PTPRD: variants seen among roughly 807,000 people sequenced by gnomAD.
PTPRD encodes the protein receptor-type tyrosine-protein phosphatase delta.
Under a neutral mutation model 214.5 loss-of-function variants are expected in PTPRD, and 34 were observed. The observed-to-expected ratio is 0.16, with a 90% CI of 0.12 to 0.21. PTPRD has a LOEUF of 0.21. Among genes scored for constraint, PTPRD ranks in the 10% least tolerant of loss-of-function variants. PTPRD has a pLI of 1.00. For synonymous variants in PTPRD, 1,128 were observed against 845.7 expected, an observed-to-expected ratio of 1.33 and a Z score of -5.79; for missense variants, 2,545 against 2,398.7, an observed-to-expected ratio of 1.06 and a Z score of -1.27.
rs554741866 is a variant in PTPRD, at chr9:9,058,574, C to T, written c.-142-39839G>A. ...ACGCCATTCTCCTGCCTCAGCCTCCCGAGTAGCTGGGACTACAGGCTCCCG... is the reference window on the plus strand; with the variant it reads ...ACGCCATTCTCCTGCCTCAGCCTCCTGAGTAGCTGGGACTACAGGCTCCCG... On this transcript the variant is annotated intron_variant, in intron 10 of 45. Transcript: ENST00000381196. Among the ~76,000 whole-genome samples, 4 of 149,280 alleles carry T rather than the reference C, an allele frequency of 2.7e-5. No homozygotes were observed. In the Admixed American group the frequency reaches 2.7e-4, roughly 10 times the overall value.
chr9:10,471,327 C>T (rs1462362147), intron 2 of PTPRD, among the ~76,000 whole-genome samples: 1 of 152,018 alleles, frequency 6.6e-6, no homozygotes, highest in African/African-American at 2.4e-5. Context: ...TATAAAATGT[C>T]AATCTCTACT....
intron 3 of PTPRD, among the ~76,000 whole-genome samples, chr9:10,245,488 A>G (rs546245649): frequency 5.2e-4 from 79 of 152,332 alleles, no homozygotes; most frequent in African/African-American, 1.9e-3. Flanking sequence ...CTGATGGCCT[A>G]CTATGTACAA....
chr9:10,317,212 T>C (rs603924), intron 3 of PTPRD, among the ~76,000 whole-genome samples: 39,116 of 151,760 alleles, frequency 0.26, 5,343 homozygotes, highest in South Asian at 0.36. Context: ...AAAAATATAA[T>C]TGGGGGCTAG....
At chr9:8,683,620 G>T (rs2097598395) in intron 12 of PTPRD, among the ~76,000 whole-genome samples, 1 of 152,150 alleles carries the variant, frequency 6.6e-6, no homozygotes. Context: ...ATTTTCCAAA[G>T]ATGCACATAT....
chr9:9,482,410 G>T (rs2147157539), intron 8 of PTPRD, among the ~76,000 whole-genome samples: 1 of 152,208 alleles, frequency 6.6e-6, no homozygotes, highest in East Asian at 1.9e-4. Context: ...GCAGTTTTAG[G>T]TTCACAGCAA....
chr9:8,606,183 G>T (rs2095200118), intron 14 of PTPRD, among the ~76,000 whole-genome samples: 2 of 151,970 alleles, frequency 1.3e-5, no homozygotes, highest in Non-Finnish European at 2.9e-5. Context: ...AGGTTCCAAG[G>T]GAAGGAAAAG....
intron 7 of PTPRD, among the ~76,000 whole-genome samples, chr9:9,630,218 T>A (rs1230013841): frequency 6.6e-6 from 1 of 152,206 alleles, no homozygotes; most frequent in Non-Finnish European, 1.5e-5. Context: ...CTCTTCTTAA[T>A]GGGGATAGGT....
intron 10 of PTPRD, among the ~76,000 whole-genome samples, chr9:9,129,320 G>A (rs2099839015): frequency 6.6e-6 from 1 of 152,160 alleles, no homozygotes. Flanking sequence ...AACCCAGGAG[G>A]CAGAGGTTGC....
chr9:8,687,651 T>G (rs117999466), intron 12 of PTPRD, among the ~76,000 whole-genome samples: 1 of 152,110 alleles, frequency 6.6e-6, no homozygotes, highest in Non-Finnish European at 1.5e-5. Context: ...GGGTACAATA[T>G]TGCTATCCAA....
chr9:10,534,251 G>A (rs867096206), intron 2 of PTPRD, among the ~76,000 whole-genome samples: 10 of 151,766 alleles, frequency 6.6e-5, no homozygotes, highest in Middle Eastern at 3.5e-3. Context: ...ATTACTCTAT[G>A]GGACCATCTT....
At chr9:8,724,803 C>T (rs1390175204) in intron 12 of PTPRD, among the ~76,000 whole-genome samples, 1 of 151,786 alleles carries the variant, frequency 6.6e-6, no homozygotes, top group Non-Finnish European at 1.5e-5. Flanking sequence ...CCGGACGTGA[C>T]GGCACGTGCC....
chr9:8,618,067 G>A (rs1346817318), intron 14 of PTPRD, among the ~76,000 whole-genome samples: 1 of 152,078 alleles, frequency 6.6e-6, no homozygotes, highest in Non-Finnish European at 1.5e-5. Context: ...GTAGAACTGT[G>A]AGGATCTTCT....
intron 9 of PTPRD, among the ~76,000 whole-genome samples, chr9:9,267,260 C>G (rs951248595): frequency 6.6e-6 from 1 of 151,062 alleles, no homozygotes; most frequent in Non-Finnish European, 1.5e-5. Flanking sequence ...TACAAAGATT[C>G]ACAAGGAACT....
intron 2 of PTPRD, among the ~76,000 whole-genome samples, chr9:10,509,043 C>T (rs887674409): frequency 6.6e-6 from 1 of 151,916 alleles, no homozygotes; most frequent in Non-Finnish European, 1.5e-5. Flanking sequence ...AAGGAAATAC[C>T]TGCTATGATT....
At chr9:8,584,404 T>C (rs1453283324) in intron 14 of PTPRD, among the ~76,000 whole-genome samples, 3 of 151,728 alleles carry the variant, frequency 2.0e-5, no homozygotes, top group African/African-American at 4.8e-5. Flanking sequence ...AGATTGCCAA[T>C]ATGTGTGTGT....
intron 9 of PTPRD, among the ~76,000 whole-genome samples, chr9:9,323,906 T>C (rs1183667349): frequency 6.6e-6 from 1 of 152,206 alleles, no homozygotes; most frequent in African/African-American, 2.4e-5. Flanking sequence ...GTTCTCATTG[T>C]TCAATGCCCA....
chr9:8,481,144 A>AC (rs1441328617), intron 30 of PTPRD, among the ~76,000 whole-genome samples: 1 of 149,726 alleles, frequency 6.7e-6, no homozygotes, highest in Non-Finnish European at 1.5e-5. Flanking sequence ...CGTCTCAAAA[A>AC]AAAAAAAAAA....
chr9:9,513,105 T>C (rs2096748529), intron 8 of PTPRD, among the ~76,000 whole-genome samples: 1 of 151,916 alleles, frequency 6.6e-6, no homozygotes. Context: ...TCTAACCCAC[T>C]AAAATAACAA....
intron 7 of PTPRD, among the ~76,000 whole-genome samples, chr9:9,575,066 C>T (rs2087987806): frequency 6.6e-6 from 1 of 151,530 alleles, no homozygotes; most frequent in South Asian, 2.1e-4. Context: ...TGATGGATAA[C>T]ATTTGCAAGC....
Sources: gnomAD v4.1 joint callset for allele counts (sites outside exome capture counted in the v4.1 genomes callset) on GRCh38, gnomAD v4.1.1 for gene constraint, MANE v1.5 for transcripts, NCBI Gene and HGNC (gene_info 2026-07-23, HGNC 2026-07-21) for gene names.